XG: variants seen among roughly 807,000 people sequenced by gnomAD.
The protein encoded by XG is Xg glycoprotein (Xg blood group), also known as glycoprotein Xg.
In XG, 24 loss-of-function variants were observed where a neutral mutation model predicts 25.7. The observed-to-expected ratio is 0.93, with a 90% CI of 0.68 to 1.31. XG has a LOEUF of 1.31. XG is among the 40% of genes most tolerant of loss of function. The probability of loss-of-function intolerance (pLI) is 0.00; values close to 1 mark genes in which losing one functional copy is unlikely to be tolerated. For missense variants in XG, 181 were observed against 187.6 expected (o/e 0.96, Z 0.21); for synonymous variants, 77 against 69.2 (o/e 1.11, Z -0.56).
chrX:2,806,893 G>C, intron 8 of XG, 148 bp downstream of exon 8: 1 of 481,669 alleles, frequency 2.1e-6, no homozygotes, highest in Non-Finnish European at 3.4e-6. Context: ...ATTTTCCTTG[G>C]TCATCCATGC....
At chrX:2,786,078 C>T (rs1323640321) in intron 4 of XG, among the ~76,000 whole-genome samples, 1 of 109,676 alleles carries the variant, frequency 9.1e-6, no homozygotes, top group Non-Finnish European at 1.9e-5. Context: ...TCTGGAGGAA[C>T]CCAAAATTCT....
At chrX:2,774,095 CTGTT>C (rs2050918814) in intron 2 of XG, among the ~76,000 whole-genome samples, 1 of 152,118 alleles carries the variant, frequency 6.6e-6, no homozygotes, top group African/African-American at 2.4e-5. Context: ...GGTGTTTCCT[CTGTT>C]TGGAAGAAGT....
At chrX:2,782,588 C>T (rs1219449571) in intron 4 of XG, among the ~76,000 whole-genome samples, 2 of 110,984 alleles carry the variant, frequency 1.8e-5, no homozygotes, top group Non-Finnish European at 3.8e-5. Context: ...GAAAGGGAAC[C>T]ATAGGGGGTT....
At chrX:2,763,785 C>T (rs2050616567) in intron 1 of XG, among the ~76,000 whole-genome samples, 1 of 152,188 alleles carries the variant, frequency 6.6e-6, no homozygotes, top group South Asian at 2.1e-4. Flanking sequence ...AAGGAGGTTG[C>T]TTGATGCCCT....
At chrX:2,788,275 G>T (rs768890498) in intron 4 of XG, among the ~76,000 whole-genome samples, 110 of 112,058 alleles carry the variant, frequency 9.8e-4, no homozygotes, top group African/African-American at 3.4e-3. Context: ...ACAGGTACTG[G>T]CAGTGCCAGG....
chrX:2,799,754 G>A (rs1462670293), intron 7 of XG, among the ~76,000 whole-genome samples: 1 of 111,597 alleles, frequency 9.0e-6, no homozygotes, highest in South Asian at 3.8e-4. Context: ...GGAACCAAAA[G>A]GGGGAGGCAG....
intron 5 of XG, among the ~76,000 whole-genome samples, chrX:2,791,754 C>T (rs2086839767): frequency 9.1e-6 from 1 of 110,196 alleles, no homozygotes; most frequent in Non-Finnish European, 1.9e-5. Flanking sequence ...CACAATGAGT[C>T]CTAGGTGAAG....
At chrX:2,774,260 C>T (rs2050923801) in intron 2 of XG, among the ~76,000 whole-genome samples, 6 of 152,138 alleles carry the variant, frequency 3.9e-5, no homozygotes. Flanking sequence ...ACAGGCTGCA[C>T]CCTGAGCACT....
chrX:2,776,815 C>G (rs2051007365), intron 3 of XG, among the ~76,000 whole-genome samples: 1 of 152,030 alleles, frequency 6.6e-6, no homozygotes, highest in Admixed American at 6.5e-5. Context: ...CCACTGCACT[C>G]CAGCCTGGGC....
chrX:2,774,897 G>C (rs752503230), intron 3 of XG, 158 bp downstream of exon 3: 60 of 940,814 alleles, frequency 6.4e-5, no homozygotes, highest in African/African-American at 1.1e-4. Context: ...GTGGTGATTA[G>C]GGAAATGCAA....
chrX:2,757,281 G>A (rs950775554), intron 1 of XG, among the ~76,000 whole-genome samples: 1 of 151,940 alleles, frequency 6.6e-6, no homozygotes, highest in Non-Finnish European at 1.5e-5. Flanking sequence ...CTGGGGTTTG[G>A]GGTTATATGG....
At chrX:2,771,513 C>T (rs972729662) in intron 2 of XG, among the ~76,000 whole-genome samples, 4 of 152,182 alleles carry the variant, frequency 2.6e-5, no homozygotes, top group Non-Finnish European at 4.4e-5. Context: ...TGCAGAAAGT[C>T]CTGCTTGAGG....
chrX:2,775,126 A>G, intron 3 of XG: 1 of 237,546 alleles, frequency 4.2e-6, no homozygotes, highest in Non-Finnish European at 8.3e-6. Flanking sequence ...ACTCCTAGGT[A>G]TGTACTCAAA....
At chrX:2,804,632 C>G (rs311198) in intron 7 of XG, among the ~76,000 whole-genome samples, 139 of 111,885 alleles carry the variant, frequency 1.2e-3, no homozygotes, top group African/African-American at 4.3e-3. Context: ...CTATTCGGGA[C>G]ACGTTCTTTT....
intron 3 of XG, 23 bp from the exon 4 acceptor site, chrX:2,782,043 G>C (rs756428746): frequency 1.3e-5 from 16 of 1,206,129 alleles, no homozygotes; most frequent in Non-Finnish European, 1.8e-5. Context: ...TTTTCTAACA[G>C]TGCAATGTTG....
At chrX:2,801,187 A>G (rs2086933041) in intron 7 of XG, among the ~76,000 whole-genome samples, 1 of 76,819 alleles carries the variant, frequency 1.3e-5, no homozygotes, top group South Asian at 5.4e-4. Context: ...GAGCATGTGA[A>G]GCAGCTATGC....
At chrX:2,765,467 A>G (rs2050664372) in intron 1 of XG, among the ~76,000 whole-genome samples, 1 of 152,110 alleles carries the variant, frequency 6.6e-6, no homozygotes, top group African/African-American at 2.4e-5. Context: ...ATCAAAGGAC[A>G]TTGGATTGAA....
intron 1 of XG, among the ~76,000 whole-genome samples, chrX:2,753,872 G>A (rs1221423843): frequency 6.6e-6 from 1 of 151,924 alleles, no homozygotes; most frequent in African/African-American, 2.4e-5. Flanking sequence ...CACCATGCCC[G>A]GCCCCATACA....
intron 7 of XG, 98 bp downstream of exon 7, chrX:2,797,458 A>C (rs1220601109): frequency 1.0e-6 from 1 of 963,462 alleles, no homozygotes; most frequent in Non-Finnish European, 1.5e-6. Context: ...TTCTACCTGG[A>C]GTCTTTGGTG....
Sources: gnomAD v4.1 joint callset for allele counts (sites outside exome capture counted in the v4.1 genomes callset) on GRCh38, gnomAD v4.1.1 for gene constraint, MANE v1.5 for transcripts, NCBI Gene and HGNC (gene_info 2026-07-23, HGNC 2026-07-21) for gene names.